The following CYP2S1 variants were observed in gnomAD, a reference collection of about 807,000 sequenced individuals.
The protein encoded by CYP2S1 is cytochrome P450 family 2 subfamily S member 1.
CYP2S1 carries 32 observed loss-of-function variants against 43.5 expected under a neutral mutation model. That is an observed-to-expected ratio of 0.74 (90% CI 0.56 to 0.99). The LOEUF (loss-of-function observed/expected upper bound fraction) is 0.99. CYP2S1 is among the 50% of genes least tolerant of loss of function. CYP2S1 has a pLI of 0.00. For synonymous variants in CYP2S1, 283 were observed against 302.9 expected, an observed-to-expected ratio of 0.93 and a Z score of 0.68; for missense variants, 575 against 673.9, an observed-to-expected ratio of 0.85 and a Z score of 1.62.
At position 41,198,307 on chromosome 19, in the gene CYP2S1, C is replaced by T. The variant is rs1214401176; in HGVS notation, c.494-155C>T. On this transcript the variant is annotated intron_variant, in intron 3 of 8. Coordinates refer to ENST00000310054, the MANE Select transcript of CYP2S1 (RefSeq NM_030622.8). The surrounding 1 kb of genome is among the most constrained non-coding windows in gnomAD (Gnocchi z 4.9). Reference sequence around the variant, plus strand: ...TCCCTGTCTGTTTCTCTGTCCCTATCTGTCTGTATCCTTCTTTGCCTGTTT... The same window carrying T: ...TCCCTGTCTGTTTCTCTGTCCCTATTTGTCTGTATCCTTCTTTGCCTGTTT... 6.6e-6 allele frequency among the ~76,000 whole-genome samples: 1 copy of T among 152,054 alleles called. No homozygotes were observed. Among genetic ancestry groups the T allele is most frequent in the African/African-American group, 2.4e-5 (1 of 41,392 alleles).
At position 41,198,858 on chromosome 19, in the gene CYP2S1, T is replaced by C; in HGVS notation, c.804T>C (p.Leu268=). The change falls in exon 5 of 9, where the codon CTT becomes CTC. Residue 268 remains leucine (L), a synonymous_variant. Coordinates refer to ENST00000310054, the MANE Select transcript of CYP2S1 (RefSeq NM_030622.8). The surrounding 1 kb of genome is among the most constrained non-coding windows in gnomAD (Gnocchi z 4.9). The stretch of plus-strand genomic sequence containing the variant: ...ATGCTTCGGGCCCCGCACGTGACCT[T>C]GTCGATGCCTTCCTGCTGAAGATGG... The part of the protein sequence containing the change: ...NLDASGPARD[L]VDAFLLKMAQ... 2.5e-6 allele frequency: 4 copies of C among 1,613,666 alleles called. No homozygotes were observed. In the East Asian group the frequency reaches 8.9e-5, roughly 36 times the overall value.
At position 41,203,462 on chromosome 19, in the gene CYP2S1, AGGAGCTGAATCG is replaced by A. The variant is rs748299258; in HGVS notation, c.997_1008del (p.Asn333_Leu336del). ...CTCTTGCTTGCAGAGTGGGTACGTGAGGAGCTGAATCGGGAGCTGGGGGCTGGCCAGGCACCA... is the reference window on the plus strand; with the variant it reads ...CTCTTGCTTGCAGAGTGGGTACGTGAGGAGCTGGGGGCTGGCCAGGCACCA... On this transcript the variant is annotated inframe_deletion, in exon 7 of 9. Coordinates refer to ENST00000310054, the MANE Select transcript of CYP2S1 (RefSeq NM_030622.8). The A allele has an allele frequency of 1.2e-6, 2 of 1,607,176 alleles. No individual in the cohort carries two copies. The highest frequency in any genetic ancestry group is 1.7e-6 in the Non-Finnish European group (2 of 1,177,094).
chr19:41,199,011 G>A, intron 5 of CYP2S1, 123 bp downstream of exon 5: 1 of 1,198,946 alleles, frequency 8.3e-7, no homozygotes, highest in Non-Finnish European at 1.1e-6. Flanking sequence ...ATGTCTCTGT[G>A]AGTATGAGTG....
At position 41,198,682 on chromosome 19, in the gene CYP2S1, G is replaced by A. The variant is rs140478988; in HGVS notation, c.655-27G>A. The A allele has an allele frequency of 1.0e-4, 166 of 1,613,574 alleles. 1 individual carries two copies. In the African/African-American group the frequency reaches 1.9e-3, roughly 19 times the overall value. ...CTGAAGGTTCCTGCCAAGGTCCCATGAGAACTAGCTGCCCTTCTCCCCACA... is the reference window on the plus strand; with the variant it reads ...CTGAAGGTTCCTGCCAAGGTCCCATAAGAACTAGCTGCCCTTCTCCCCACA... On this transcript the variant is annotated intron_variant, in intron 4 of 8. Coordinates refer to ENST00000310054, the MANE Select transcript of CYP2S1 (RefSeq NM_030622.8). The surrounding 1 kb of genome is among the most constrained non-coding windows in gnomAD (Gnocchi z 4.9).
At chr19:41,206,254 C>G (rs2033575868) in intron 8 of CYP2S1, 26 bp from the exon 9 acceptor site, 8 of 1,530,036 alleles carry the variant, frequency 5.2e-6, no homozygotes, top group Non-Finnish European at 6.3e-6. Context: ...CTGACTCAGC[C>G]CTCTCTCTCT....
At position 41,196,743 on chromosome 19, in the gene CYP2S1, G is replaced by C. The variant is rs184730295; in HGVS notation, c.344-1036G>C. 2.3e-3 allele frequency among the ~76,000 whole-genome samples: 353 copies of C among 152,276 alleles called. 7 individuals carry two copies. The highest frequency in any genetic ancestry group is 7.8e-4 in the Non-Finnish European group (53 of 68,016). On this transcript the variant is annotated intron_variant, in intron 2 of 8. Transcript: ENST00000310054. ...GACAGGGAAGGTCTGTCTGGAGCAG[G>C]TGTCTTGGATAAGGGAGGAAAATGG...
At chr19:41,196,714 A>G (rs1464093836) in intron 2 of CYP2S1, among the ~76,000 whole-genome samples, 3 of 152,152 alleles carry the variant, frequency 2.0e-5, no homozygotes, top group African/African-American at 7.2e-5. Context: ...ACAGGCTGGC[A>G]TTGGACAGGG....
chr19:41,201,419 T>TTC (rs2033488017), intron 6 of CYP2S1, 47 bp downstream of exon 6: 1 of 1,594,724 alleles, frequency 6.3e-7, no homozygotes, highest in Admixed American at 1.8e-5. Context: ...GAAGTCAGGG[T>TTC]TCTAGGCTGA....
chr19:41,193,612 G>A, intron 1 of CYP2S1, 171 bp downstream of exon 1: 2 of 1,272,594 alleles, frequency 1.6e-6, no homozygotes, highest in East Asian at 3.1e-5. Context: ...AGGTTGTCCA[G>A]GGCTGAGAAG....
intron 5 of CYP2S1, among the ~76,000 whole-genome samples, chr19:41,199,586 G>A (rs1478369395): frequency 1.3e-5 from 2 of 151,208 alleles, no homozygotes; most frequent in Admixed American, 1.3e-4. Flanking sequence ...CTCTCACTAT[G>A]TTACCCAGGC....
chr19:41,193,361 C>T lies in CYP2S1; in HGVS notation c.97C>T (p.Pro33Ser), dbSNP rs1216804972. The part of the protein sequence containing the change: ...LSGTRARGHL[P>S]PGPTPLPLLG... ...CGGGACCAGGGCCCGAGGCCACCTG[C>T]CCCCCGGGCCCACGCCGCTACCACT... Residue 33 changes from proline to serine, a missense_variant, in exon 1 of 9, where the codon CCC becomes TCC. Coordinates refer to ENST00000310054, the MANE Select transcript of CYP2S1 (RefSeq NM_030622.8). 6.5e-6 allele frequency: 10 copies of T among 1,532,342 alleles called. No individual in the cohort carries two copies. Among genetic ancestry groups the T allele is most frequent in the East Asian group, 2.5e-5 (1 of 39,636 alleles). 94.9% of individuals were successfully genotyped at this position (1,532,342 alleles called of 1,614,324 possible).
chr19:41,193,561 G>A (rs1272483899), intron 1 of CYP2S1, 120 bp downstream of exon 1: 24 of 1,359,102 alleles, frequency 1.8e-5, no homozygotes, highest in Non-Finnish European at 2.3e-5. Context: ...GGGGTCCCAA[G>A]GCAAAGGGGC....
intron 7 of CYP2S1, among the ~76,000 whole-genome samples, chr19:41,205,013 T>G (rs962607005): frequency 6.6e-6 from 1 of 152,118 alleles, no homozygotes; most frequent in Non-Finnish European, 1.5e-5. Flanking sequence ...TGTAAGATAA[T>G]GCTTGTAAAA....
chr19:41,196,991 T>C (rs547794046), intron 2 of CYP2S1, among the ~76,000 whole-genome samples: 6 of 150,534 alleles, frequency 4.0e-5, no homozygotes, highest in African/African-American at 1.2e-4. Flanking sequence ...AGGTCAGGAG[T>C]TCAAGACCAG....
chr19:41,205,864 G>A, intron 7 of CYP2S1, 94 bp from the exon 8 acceptor site: 1 of 1,488,124 alleles, frequency 6.7e-7, no homozygotes, highest in Non-Finnish European at 9.1e-7. Context: ...TTGTGAACTA[G>A]TGTCCCTGGC....
At chr19:41,202,611 G>T (rs965935295) in intron 6 of CYP2S1, among the ~76,000 whole-genome samples, 4 of 151,672 alleles carry the variant, frequency 2.6e-5, no homozygotes, top group Admixed American at 2.0e-4. Context: ...GCAGCATAAT[G>T]AGGCCCTGTC....
Position 41,206,556 on chromosome 19 carries a change from G to C in CYP2S1, c.*68G>C, listed in dbSNP as rs765897139. Reference sequence around the variant, plus strand: ...CCAGCCTCAACAGTGGGCATGGACAGGGTTAATGTCTCCAGAGTGTACACT... The same window carrying C: ...CCAGCCTCAACAGTGGGCATGGACACGGTTAATGTCTCCAGAGTGTACACT... On this transcript the variant is annotated 3_prime_UTR_variant, in exon 9 of 9. Coordinates refer to ENST00000310054, the MANE Select transcript of CYP2S1 (RefSeq NM_030622.8). 9 of 1,575,450 alleles carry C rather than the reference G, an allele frequency of 5.7e-6. No homozygotes were observed. The African/African-American group carries it at 1.2e-4, about 21-fold the overall frequency.
intron 5 of CYP2S1, among the ~76,000 whole-genome samples, chr19:41,199,353 A>G (rs2033458726): frequency 6.6e-6 from 1 of 151,982 alleles, no homozygotes; most frequent in Non-Finnish European, 1.5e-5. Context: ...TATTAATTAT[A>G]TAAGAACAAT....
chr19:41,204,214 C>T (rs1044222688), intron 7 of CYP2S1, among the ~76,000 whole-genome samples: 2 of 152,122 alleles, frequency 1.3e-5, no homozygotes, highest in Non-Finnish European at 2.9e-5. Context: ...GTGTTTTCTT[C>T]CCCTTTGACT....
Sources: gnomAD v4.1 joint callset for allele counts (sites outside exome capture counted in the v4.1 genomes callset) on GRCh38, gnomAD v4.1.1 for gene constraint, Gnocchi (gnomAD v3.1) non-coding constraint, MANE v1.5 for transcripts, NCBI Gene and HGNC (gene_info 2026-07-23, HGNC 2026-07-21) for gene names.